The following TEKT5 variants were observed in gnomAD, a reference collection of about 807,000 sequenced individuals.
TEKT5 encodes tektin 5, also known as tektin-5.
TEKT5 carries 52 observed loss-of-function variants against 48.7 expected under a neutral mutation model. The ratio of observed to expected loss-of-function variants is 1.07; its 90% CI spans 0.86 to 1.35. TEKT5 has a LOEUF of 1.35. Among genes scored for constraint, TEKT5 ranks in the 40% most tolerant of loss-of-function variants. TEKT5 has a pLI of 0.00. For synonymous variants in TEKT5, 318 were observed against 267.6 expected, an observed-to-expected ratio of 1.19 and a Z score of -1.84; for missense variants, 831 against 641.6, an observed-to-expected ratio of 1.30 and a Z score of -3.19.
At chr16:10,690,973 AG>A (rs1898964012) in intron 1 of TEKT5, among the ~76,000 whole-genome samples, 1 of 152,202 alleles carries the variant, frequency 6.6e-6, no homozygotes, top group African/African-American at 2.4e-5. Context: ...TGCTGGGGAT[AG>A]CACAACGAAC....
At chr16:10,639,401 T>A (rs73507956) in intron 5 of TEKT5, among the ~76,000 whole-genome samples, 1 of 152,186 alleles carries the variant, frequency 6.6e-6, no homozygotes, top group East Asian at 1.9e-4. Flanking sequence ...TTGGGAATAA[T>A]AGGAGTGCTG....
rs769306114 is a variant in TEKT5, at chr16:10,676,133, T to C, written c.912A>G (p.Lys304=). 3 of 1,614,016 alleles carry C rather than the reference T, an allele frequency of 1.9e-6. No individual in the cohort carries two copies. In the African/African-American group the frequency reaches 4.0e-5, roughly 22 times the overall value. The change falls in exon 5 of 7, where the codon AAA becomes AAG. Residue 304 remains lysine, a synonymous_variant. Coordinates refer to ENST00000283025, the MANE Select transcript of TEKT5 (RefSeq NM_144674.2). The stretch of plus-strand genomic sequence containing the variant: ...AGTTGGCCCGCATGTTCTGAGAGTG[T>C]TTGATGTTGTCGTTACTGAACTTGG... ...TWAKFSNDNI[K]HSQNMRANSI... is the part of the protein sequence containing the mutation.
intron 5 of TEKT5, among the ~76,000 whole-genome samples, chr16:10,638,215 G>A (rs1306168797): frequency 6.6e-6 from 1 of 152,216 alleles, no homozygotes; most frequent in Non-Finnish European, 1.5e-5. Flanking sequence ...AAAAGCCTAT[G>A]CATTTATTCC....
chr16:10,655,526 A>T (rs1443988207), intron 5 of TEKT5, among the ~76,000 whole-genome samples: 1 of 152,234 alleles, frequency 6.6e-6, no homozygotes. Flanking sequence ...TAGTTGACAC[A>T]TAGAAAGGGC....
In TEKT5 at chr16:10,639,709, A is replaced by G. The variant is rs543680348; in HGVS notation, c.1087-3791T>C. On this transcript the variant is annotated intron_variant, in intron 5 of 6. Transcript: ENST00000283025. ...CAAGAAGCCTCATCCCATCCTCCCA[A>G]TTGAAACAAATCACATCTCTGGCAT... Among the ~76,000 whole-genome samples the G allele has an allele frequency of 7.9e-5, 12 of 152,296 alleles. No individual in the cohort carries two copies. The South Asian group carries it at 1.4e-3, about 18-fold the overall frequency.
chr16:10,638,481 G>A (rs1358901490), intron 5 of TEKT5, among the ~76,000 whole-genome samples: 4 of 152,220 alleles, frequency 2.6e-5, no homozygotes, highest in Non-Finnish European at 5.9e-5. Context: ...CTCAGTCCCT[G>A]AGAAGCCTAG....
At chr16:10,640,099 TCCC>T (rs1897972174) in intron 5 of TEKT5, among the ~76,000 whole-genome samples, 1 of 137,640 alleles carries the variant, frequency 7.3e-6, no homozygotes, top group Non-Finnish European at 1.6e-5. Context: ...TCCTTCCCTC[TCCC>T]CTCCTCCCGT....
intron 5 of TEKT5, among the ~76,000 whole-genome samples, chr16:10,663,521 G>A (rs1160890445): frequency 2.6e-5 from 4 of 152,198 alleles, no homozygotes; most frequent in African/African-American, 9.6e-5. Context: ...GTCAAATGGT[G>A]GAAGATTTTC....
chr16:10,658,096 T>G (rs551562431), intron 5 of TEKT5, among the ~76,000 whole-genome samples: 1 of 152,158 alleles, frequency 6.6e-6, no homozygotes, highest in Non-Finnish European at 1.5e-5. Context: ...TGACTTGTAA[T>G]CTAAATGAAA....
At chr16:10,668,682 G>T (rs1898500594) in intron 5 of TEKT5, among the ~76,000 whole-genome samples, 1 of 152,152 alleles carries the variant, frequency 6.6e-6, no homozygotes, top group Non-Finnish European at 1.5e-5. Context: ...GGCTGCTTGG[G>T]AGTCAAAACC....
chr16:10,666,328 C>A (rs1898456021), intron 5 of TEKT5, among the ~76,000 whole-genome samples: 1 of 152,158 alleles, frequency 6.6e-6, no homozygotes, highest in African/African-American at 2.4e-5. Flanking sequence ...AAACCCTCCC[C>A]TCCTGTTCCT....
chr16:10,686,449 T>G (rs930844296), intron 3 of TEKT5, among the ~76,000 whole-genome samples: 16 of 143,686 alleles, frequency 1.1e-4, no homozygotes, highest in Non-Finnish European at 1.9e-4. Flanking sequence ...AGAGGGAGAC[T>G]CCATCTCAAA....
intron 5 of TEKT5, among the ~76,000 whole-genome samples, chr16:10,659,449 G>C (rs150628182): frequency 6.6e-6 from 1 of 151,908 alleles, no homozygotes; most frequent in Non-Finnish European, 1.5e-5. Context: ...GTGCAATCTC[G>C]GCTCACTGCA....
chr16:10,638,979 T>C (rs1250358552), intron 5 of TEKT5, among the ~76,000 whole-genome samples: 1 of 152,172 alleles, frequency 6.6e-6, no homozygotes, highest in African/African-American at 2.4e-5. Context: ...GTGACAATGA[T>C]TTACAACATA....
chr16:10,656,727 G>T (rs1270622666), intron 5 of TEKT5, among the ~76,000 whole-genome samples: 1 of 152,110 alleles, frequency 6.6e-6, no homozygotes, highest in Admixed American at 6.6e-5. Context: ...TATTCAACTG[G>T]GTACATGCAA....
In TEKT5 at chr16:10,635,822, G is replaced by A; in HGVS notation, c.1183C>T (p.Leu395=). Residue 395 remains leucine, a synonymous_variant, in exon 6 of 7, where the codon CTG becomes TTG. Coordinates refer to ENST00000283025, the MANE Select transcript of TEKT5 (RefSeq NM_144674.2). ...EGPLKVAQTR[L]ECRTRRPNME... ...TTGGGGCGCCGGGTCCGGCACTCCA[G>A]CCTTGTCTGGGCCACCTTCAGCGGG... is the stretch of plus-strand genomic sequence containing the variant. 1.2e-6 allele frequency: 2 copies of A among 1,614,194 alleles called. No homozygotes were observed. The highest frequency in any genetic ancestry group is 1.7e-6 in the Non-Finnish European group (2 of 1,180,040).
intron 5 of TEKT5, among the ~76,000 whole-genome samples, chr16:10,667,390 G>C (rs1043740597): frequency 1.2e-4 from 18 of 152,204 alleles, no homozygotes; most frequent in Non-Finnish European, 2.4e-4. Context: ...CAGAATTTTA[G>C]CCAATCGCAG....
At position 10,684,502 on chromosome 16, in the gene TEKT5, C is replaced by G. The variant is rs148176364; in HGVS notation, c.720-2366G>C. ...CACAGTGGTGGCGGTTCCCACCTAT[C>G]AGGAAGCTCGGGTCATGTCGGAGCA... On this transcript the variant is annotated intron_variant, in intron 3 of 6. Transcript: ENST00000283025. Among the ~76,000 whole-genome samples the G allele has an allele frequency of 8.4e-3, 1,272 of 151,990 alleles. 15 individuals carry two copies. The highest frequency in any genetic ancestry group is 0.03 in the African/African-American group (1,230 of 41,424).
At chr16:10,687,457 GT>G (rs1380401751) in intron 3 of TEKT5, among the ~76,000 whole-genome samples, 1 of 152,216 alleles carries the variant, frequency 6.6e-6, no homozygotes, top group East Asian at 1.9e-4. Flanking sequence ...TTAAATAAGA[GT>G]ATTTAGGCCA....
Sources: allele counts gnomAD v4.1 joint callset (sites outside exome capture counted in the v4.1 genomes callset), GRCh38; gene constraint gnomAD v4.1.1; transcripts MANE v1.5; gene names NCBI Gene and HGNC (gene_info 2026-07-23, HGNC 2026-07-21).